PDE10A: variants seen among roughly 807,000 people sequenced by gnomAD.
The protein encoded by PDE10A is phosphodiesterase 10A.
In PDE10A, 39 loss-of-function variants were observed where a neutral mutation model predicts 97.7. The ratio of observed to expected loss-of-function variants is 0.40; its 90% confidence interval spans 0.31 to 0.52. The LOEUF is 0.52. Among genes scored for constraint, PDE10A ranks in the 20% least tolerant of loss-of-function variants. PDE10A has a pLI of 0.56. For synonymous variants in PDE10A, 371 were observed against 376.8 expected (o/e 0.98, Z 0.18); for missense variants, 731 against 1,047.8 (o/e 0.70, Z 4.17).
At chr6:165,847,664 T>C (rs1025023652) in intron 1 of PDE10A, among the ~76,000 whole-genome samples, 16 of 152,392 alleles carry the variant, frequency 1.0e-4, no homozygotes, top group African/African-American at 3.8e-4. Flanking sequence ...TGATAACGTC[T>C]TGCTTTGAAG....
At position 165,520,600 on chromosome 6, in the gene PDE10A, TC is replaced by T. The variant is rs1323910480; in HGVS notation, c.994+22839del. On this transcript the variant is annotated intron_variant, in intron 2 of 21. Coordinates refer to ENST00000539869, the MANE Select transcript of PDE10A (RefSeq NM_001385079.1). ...ATCAAGCACTAAGAATTTCCTAACT[TC>T]CAGGCCCAGAGCTACTTATAGGCCA... Among the ~76,000 whole-genome samples, 10 of 152,258 alleles carry T rather than the reference TC, an allele frequency of 6.6e-5. No homozygotes were observed. In the East Asian group the frequency reaches 1.9e-3, roughly 29 times the overall value.
intron 1 of PDE10A, among the ~76,000 whole-genome samples, chr6:165,797,060 A>G (rs758695051): frequency 1.3e-5 from 2 of 152,252 alleles, no homozygotes; most frequent in Admixed American, 6.5e-5. Flanking sequence ...TACCCAAATA[A>G]CAGGTAAAAA....
At position 165,970,455 on chromosome 6, in the gene PDE10A, T is replaced by A. The variant is rs142784239; in HGVS notation, c.-615+17074A>T. 3.8e-3 allele frequency among the ~76,000 whole-genome samples: 573 copies of A among 152,268 alleles called. 2 individuals are homozygous for A. Among genetic ancestry groups the A allele is most frequent in the African/African-American group, 0.013 (533 of 41,564 alleles). ...TGGGGTAATGGTTCAGACAAAAAAA[T>A]TTCTACTGTACATGCATGTTTTATA... On this transcript the variant is annotated intron_variant, in intron 1 of 19. Transcript: ENST00000366882.
chr6:165,810,947 C>T (rs749343791), intron 1 of PDE10A, among the ~76,000 whole-genome samples: 1 of 152,078 alleles, frequency 6.6e-6, no homozygotes, highest in Non-Finnish European at 1.5e-5. Flanking sequence ...GAAAACAGGC[C>T]GGATGTGGTG....
intron 1 of PDE10A, among the ~76,000 whole-genome samples, chr6:165,776,349 G>A (rs1778182935): frequency 6.6e-6 from 1 of 152,170 alleles, no homozygotes; most frequent in Non-Finnish European, 1.5e-5. Flanking sequence ...GGGGGTTACA[G>A]TAACATCCAA....
In PDE10A at chr6:165,711,981, G is replaced by A. The variant is rs368839132; in HGVS notation, c.-614-168413C>T. 5.9e-5 allele frequency among the ~76,000 whole-genome samples: 9 copies of A among 152,260 alleles called. No individual in the cohort carries two copies. Among genetic ancestry groups the A allele is most frequent in the Middle Eastern group, 3.4e-3 (1 of 294 alleles). On this transcript the variant is annotated intron_variant, in intron 1 of 19. Coordinates refer to the PDE10A transcript ENST00000366882. This position sits in a 1 kb window ranked among gnomAD's most constrained non-coding sequence, Gnocchi z 4.5. ...AACATCCAACTCTTGGACCCCACAG[G>A]TGGCCACTGTGAATTCCTCACTGGT...
chr6:165,431,314 C>A, intron 8 of PDE10A, 108 bp downstream of exon 8: 7 of 578,026 alleles, frequency 1.2e-5, no homozygotes, highest in South Asian at 5.8e-5. Flanking sequence ...TTGTAATATC[C>A]CAAAATAAGG....
chr6:165,443,224 G>A (rs1790601796), intron 5 of PDE10A, among the ~76,000 whole-genome samples: 1 of 152,050 alleles, frequency 6.6e-6, no homozygotes, highest in Non-Finnish European at 1.5e-5. Flanking sequence ...ACTTGTTTGG[G>A]GTACAGGCAT....
intron 1 of PDE10A, among the ~76,000 whole-genome samples, chr6:165,881,555 T>C (rs1186110336): frequency 1.5e-5 from 2 of 132,924 alleles, no homozygotes; most frequent in African/African-American, 5.9e-5. Context: ...CGCACCACCA[T>C]GCCCAGCTAA....
At chr6:165,387,642 C>G (rs1437388068) in intron 17 of PDE10A, among the ~76,000 whole-genome samples, 1 of 152,190 alleles carries the variant, frequency 6.6e-6, no homozygotes, top group Non-Finnish European at 1.5e-5. Context: ...TCTCTTCCTA[C>G]TTAGAGGTGC....
chr6:165,944,259 T>C (rs1308770000), intron 1 of PDE10A, among the ~76,000 whole-genome samples: 1 of 152,250 alleles, frequency 6.6e-6, no homozygotes, highest in African/African-American at 2.4e-5. Flanking sequence ...CACATGGGGA[T>C]TATTCAAGAT....
chr6:165,656,256 T>TCA (rs1188857085), intron 1 of PDE10A, among the ~76,000 whole-genome samples: 69 of 106,772 alleles, frequency 6.5e-4, no homozygotes, highest in African/African-American at 2.3e-3. Context: ...TCTCTCTCTC[T>TCA]CTCACACACA....
intron 3 of PDE10A, among the ~76,000 whole-genome samples, chr6:165,476,000 C>A (rs956593864): frequency 6.6e-6 from 1 of 152,120 alleles, no homozygotes; most frequent in Admixed American, 6.6e-5. Flanking sequence ...CGCTCACTAT[C>A]CAGCCCTCCA....
At chr6:165,975,747 G>A (rs1583383112) in intron 1 of PDE10A, among the ~76,000 whole-genome samples, 1 of 152,226 alleles carries the variant, frequency 6.6e-6, no homozygotes, top group Non-Finnish European at 1.5e-5. Flanking sequence ...TAGCTTAGTG[G>A]ATACTTGGCA....
chr6:165,785,842 G>A (rs1377427002), intron 1 of PDE10A, among the ~76,000 whole-genome samples: 2 of 152,164 alleles, frequency 1.3e-5, no homozygotes, highest in Non-Finnish European at 2.9e-5. Context: ...CCTCAACCCA[G>A]ATTCTGTATT....
intron 1 of PDE10A, among the ~76,000 whole-genome samples, chr6:165,961,779 A>G (rs1784368079): frequency 6.6e-6 from 1 of 152,248 alleles, no homozygotes; most frequent in African/African-American, 2.4e-5. Flanking sequence ...TGCCCGCTTC[A>G]GAGCAAAACC....
At chr6:165,469,505 T>C (rs1778861579) in intron 3 of PDE10A, among the ~76,000 whole-genome samples, 3 of 152,238 alleles carry the variant, frequency 2.0e-5, no homozygotes, top group African/African-American at 7.2e-5. Flanking sequence ...CGAAGAATTT[T>C]TCTCTCCGGT....
chr6:165,747,845 G>A (rs1042191984), intron 1 of PDE10A, among the ~76,000 whole-genome samples: 6 of 152,212 alleles, frequency 3.9e-5, no homozygotes, highest in African/African-American at 9.6e-5. Context: ...CTGCTGCCTA[G>A]GTTGGCTCCT....
chr6:165,867,860 C>G (rs898981371), intron 1 of PDE10A, among the ~76,000 whole-genome samples: 1 of 151,830 alleles, frequency 6.6e-6, no homozygotes, highest in Non-Finnish European at 1.5e-5. Flanking sequence ...AACTAGAAAT[C>G]AACAGCAAGA....
Sources: allele counts gnomAD v4.1 joint callset (sites outside exome capture counted in the v4.1 genomes callset), GRCh38; gene constraint gnomAD v4.1.1; non-coding constraint Gnocchi (gnomAD v3.1); transcripts MANE v1.5; gene names NCBI Gene and HGNC (gene_info 2026-07-23, HGNC 2026-07-21).